Variants in DNAJB5 observed in about 807,000 individuals in gnomAD.
DNAJB5 encodes dnaJ homolog subfamily B member 5.
Under a neutral mutation model 32.6 loss-of-function variants are expected in DNAJB5, and 12 were observed. That is an observed-to-expected ratio of 0.37 (90% confidence interval 0.24 to 0.60). The LOEUF is 0.60. DNAJB5 is among the 20% of genes least tolerant of loss of function. The pLI, the probability that DNAJB5 is intolerant of heterozygous loss-of-function variation, is 0.71. For missense variants in DNAJB5, 358 were observed against 554.2 expected, an observed-to-expected ratio of 0.65 and a Z score of 3.55; for synonymous variants, 188 against 212.9, an observed-to-expected ratio of 0.88 and a Z score of 1.02.
Position 34,997,696 on chromosome 9 carries a change from C to A in DNAJB5, c.*437C>A. ...ACTAGAAAGGACATTGCTTTCTCAG[C>A]CCCACCCCCAGGTCCACAGTGTCCA... On this transcript the variant is annotated 3_prime_UTR_variant, in exon 5 of 5. Coordinates refer to ENST00000682809, the MANE Select transcript of DNAJB5 (RefSeq NM_001349723.3). This position sits in a 1 kb window ranked among gnomAD's most constrained non-coding sequence, Gnocchi z 4.1. 2 of 342,246 alleles carry A rather than the reference C, an allele frequency of 5.8e-6. No homozygotes were observed. Among genetic ancestry groups the A allele is most frequent in the South Asian group, 4.7e-5 (2 of 42,270 alleles). 21.2% of individuals were successfully genotyped at this position (342,246 alleles called of 1,614,324 possible).
Position 34,990,669 on chromosome 9 carries a change from AG to A in DNAJB5, c.40del (p.Ala14HisfsTer22), listed in dbSNP as rs1168614533. On this transcript the variant is annotated frameshift_variant, in exon 2 of 5. Coordinates refer to ENST00000682809, the MANE Select transcript of DNAJB5 (RefSeq NM_001349723.3). LOFTEE classifies it high-confidence loss of function. This position sits in a 1 kb window ranked among gnomAD's most constrained non-coding sequence, Gnocchi z 4.5. ...RTVLSCPPPA[A>X]PPLQARGAFR... is the part of the protein sequence containing the mutation. ...CAGTGCTCTCCTGCCCACCCCCAGC[AG>A]CACCCCCACTGCAGGCCCGAGGAGC... 6.4e-7 allele frequency: 1 copy of A among 1,551,550 alleles called. No homozygotes were observed. Among genetic ancestry groups the A allele is most frequent in the Non-Finnish European group, 8.7e-7 (1 of 1,146,990 alleles).
chr9:34,996,545 C>T lies in DNAJB5; in HGVS notation c.708C>T (p.Arg236=). ...RRAPEPLYPR[R]KVQDPPVVHE... is the part of the protein sequence containing the mutation. ...CCCCAGAACCACTGTACCCTCGGCGCAAGGTGCAGGACCCCCCAGTGGTGC... is the reference window on the plus strand; with the variant it reads ...CCCCAGAACCACTGTACCCTCGGCGTAAGGTGCAGGACCCCCCAGTGGTGC... Residue 236 remains arginine (R), a synonymous_variant, in exon 4 of 5, where the codon CGC becomes CGT. Coordinates refer to ENST00000682809, the MANE Select transcript of DNAJB5 (RefSeq NM_001349723.3). This position sits in a 1 kb window ranked among gnomAD's most constrained non-coding sequence, Gnocchi z 7.2. 3.1e-6 allele frequency: 5 copies of T among 1,614,156 alleles called. No individual in the cohort carries two copies. Among genetic ancestry groups the T allele is most frequent in the Non-Finnish European group, 4.2e-6 (5 of 1,180,032 alleles).
rs749686454 is a variant in DNAJB5 at position 34,996,749 on chromosome 9, C to T, written c.912C>T (p.Asp304=). 14 of 1,614,092 alleles carry T rather than the reference C, an allele frequency of 8.7e-6. No homozygotes were observed. In the South Asian group the frequency reaches 9.9e-5, roughly 11 times the overall value. ...AGATCACCTTCCCCAAAGAAGGCGA[C>T]GCCACACCTGACAACATCCCTGCTG... ...GTKITFPKEG[D]ATPDNIPADI... The change falls in exon 4 of 5, where the codon GAC becomes GAT. Residue 304 remains aspartate, a synonymous_variant. Coordinates refer to ENST00000682809, the MANE Select transcript of DNAJB5 (RefSeq NM_001349723.3). The surrounding 1 kb of genome is among the most constrained non-coding windows in gnomAD (Gnocchi z 7.2).
At chr9:34,992,499 G>A (rs1472222272) in intron 2 of DNAJB5, 1 of 152,318 alleles carries the variant, frequency 6.6e-6, no homozygotes, top group Non-Finnish European at 1.5e-5. Flanking sequence ...CTGTTGCCCT[G>A]GTTGGGGGAA....
rs770661752 is a variant in DNAJB5, at chr9:34,990,446, G to C, written c.-132-53G>C. ...CAGCCAGCCAGACACTGCTGCACCTGAGAGCAGGTGGCCGCGGGTCTTCTC... is the reference window on the plus strand; with the variant it reads ...CAGCCAGCCAGACACTGCTGCACCTCAGAGCAGGTGGCCGCGGGTCTTCTC... On this transcript the variant is annotated intron_variant, in intron 1 of 4. Coordinates refer to ENST00000682809, the MANE Select transcript of DNAJB5 (RefSeq NM_001349723.3). The surrounding 1 kb of genome is among the most constrained non-coding windows in gnomAD (Gnocchi z 4.5). 2.7e-5 allele frequency: 41 copies of C among 1,534,036 alleles called. No homozygotes were observed. Among genetic ancestry groups the C allele is most frequent in the Non-Finnish European group, 3.1e-5 (36 of 1,145,972 alleles).
Position 34,990,498 on chromosome 9 carries a change from G to A in DNAJB5, c.-132-1G>A. Reference sequence around the variant, plus strand: ...CTTCACTCTCCACATTTGGGGATCAGGTCCGGCACCTGCTGCGCCAGACAG... The same window carrying A: ...CTTCACTCTCCACATTTGGGGATCAAGTCCGGCACCTGCTGCGCCAGACAG... On this transcript the variant is annotated splice_acceptor_variant, in intron 1 of 4. Transcript: ENST00000682809. LOFTEE classifies it low-confidence loss of function (5UTR_SPLICE). This position sits in a 1 kb window ranked among gnomAD's most constrained non-coding sequence, Gnocchi z 4.5. The A allele has an allele frequency of 6.5e-7, 1 of 1,538,436 alleles. No homozygotes were observed. The highest frequency in any genetic ancestry group is 8.7e-7 in the Non-Finnish European group (1 of 1,146,568).
rs1827844943 is a variant in DNAJB5 at position 34,997,776 on chromosome 9, CCT to C, written c.*522_*523del. On this transcript the variant is annotated 3_prime_UTR_variant, in exon 5 of 5. Transcript: ENST00000682809. The surrounding 1 kb of genome is among the most constrained non-coding windows in gnomAD (Gnocchi z 4.1). ...AAGCACTCACCTAGAGCTGTCTGTG[CCT>C]CTCTGGGAGAAAGGAGAGAGGATAA... 8.8e-6 allele frequency: 2 copies of C among 226,636 alleles called. No homozygotes were observed. Among genetic ancestry groups the C allele is most frequent in the African/African-American group, 4.5e-5 (2 of 44,050 alleles). 14.0% of individuals were successfully genotyped at this position (226,636 alleles called of 1,614,324 possible).
Position 34,993,578 on chromosome 9 carries a change from C to A in DNAJB5, c.427+134C>A. ...AGCAAGGGTTTCCAGCACTGTCACC[C>A]AGAGAAGAGAGAAGCCCACCCACTA... On this transcript the variant is annotated intron_variant, in intron 3 of 4. Coordinates refer to ENST00000682809, the MANE Select transcript of DNAJB5 (RefSeq NM_001349723.3). The surrounding 1 kb of genome is among the most constrained non-coding windows in gnomAD (Gnocchi z 4.7). The A allele has an allele frequency of 8.0e-7, 1 of 1,249,426 alleles. No homozygotes were observed. The highest frequency in any genetic ancestry group is 1.5e-5 in the South Asian group (1 of 64,658). The allele number at this position is 1,249,426 out of a possible 1,614,324, so 77.4% of individuals were successfully genotyped here. A position where few individuals can be genotyped will look rare whatever the true frequency, so the allele number is the denominator to read the frequency against.
chr9:34,996,891 GT>G lies in DNAJB5; in HGVS notation c.1029+26del, dbSNP rs1563952263. The G allele has an allele frequency of 1.3e-6, 2 of 1,592,508 alleles. No homozygotes were observed. The highest frequency in any genetic ancestry group is 2.3e-5 in the South Asian group (2 of 88,334). The stretch of plus-strand genomic sequence containing the variant: ...GGTGGGGCCTAGTCAGGCTGTGTGT[GT>G]GTGCTGGGGAGATGGTGGGGACATT... On this transcript the variant is annotated intron_variant, in intron 4 of 4. Coordinates refer to ENST00000682809, the MANE Select transcript of DNAJB5 (RefSeq NM_001349723.3). The surrounding 1 kb of genome is among the most constrained non-coding windows in gnomAD (Gnocchi z 7.2).
In DNAJB5 at chr9:34,990,166, C is replaced by CCAAAA; in HGVS notation, c.-132-332_-132-331insAAAAC. The CCAAAA allele has an allele frequency of 1.1e-6, 1 of 939,248 alleles. No homozygotes were observed. 58.2% of individuals were successfully genotyped at this position (939,248 alleles called of 1,614,324 possible). A position where few individuals can be genotyped will look rare whatever the true frequency, so the allele number is the denominator to read the frequency against. On this transcript the variant is annotated intron_variant, in intron 1 of 4. Transcript: ENST00000682809. This position sits in a 1 kb window ranked among gnomAD's most constrained non-coding sequence, Gnocchi z 4.5. Reference sequence around the variant, plus strand: ...CTCCCCCGCCCGAGCCCCCTCCCCTCCTCTCCTCGCCGCGCCTTTTGTCCC... The same window carrying CCAAAA: ...CTCCCCCGCCCGAGCCCCCTCCCCTCCAAAACTCTCCTCGCCGCGCCTTTTGTCCC...
Position 34,996,930 on chromosome 9 carries a change from G to T in DNAJB5, c.1029+64G>T. 1 of 1,584,946 alleles carries T rather than the reference G, an allele frequency of 6.3e-7. No homozygotes were observed. The highest frequency in any genetic ancestry group is 8.6e-7 in the Non-Finnish European group (1 of 1,167,682). On this transcript the variant is annotated intron_variant, in intron 4 of 4. Transcript: ENST00000682809. This position sits in a 1 kb window ranked among gnomAD's most constrained non-coding sequence, Gnocchi z 7.2. ...TGGTGGGGACATTCCCTCTCTTCCC[G>T]CCAGCTGGCACATTCTTTCCCCACC...
intron 3 of DNAJB5, among the ~76,000 whole-genome samples, chr9:34,994,852 C>A (rs1827747674): frequency 6.6e-6 from 1 of 152,128 alleles, no homozygotes; most frequent in Non-Finnish European, 1.5e-5. Context: ...TTCTGTCCAC[C>A]CTGCCCAATC....
Position 34,990,882 on chromosome 9 carries a change from T to C in DNAJB5, c.182+70T>C. 1 of 1,458,370 alleles carries C rather than the reference T, an allele frequency of 6.9e-7. No homozygotes were observed. The highest frequency in any genetic ancestry group is 1.4e-5 in the South Asian group (1 of 73,070). The allele number at this position is 1,458,370 out of a possible 1,614,324, so 90.3% of individuals were successfully genotyped here. On this transcript the variant is annotated intron_variant, in intron 2 of 4. Transcript: ENST00000682809. This position sits in a 1 kb window ranked among gnomAD's most constrained non-coding sequence, Gnocchi z 4.5. ...ACCCTCCACGCGGCCATCCCCTCCA[T>C]TGCCTTCCTGCTTCCTCCAACTCAT...
Position 34,996,063 on chromosome 9 carries a change from G to A in DNAJB5, c.428-202G>A, listed in dbSNP as rs1827782691. Among the ~76,000 whole-genome samples the A allele has an allele frequency of 6.6e-6, 1 of 152,152 alleles. No homozygotes were observed. The highest frequency in any genetic ancestry group is 1.5e-5 in the Non-Finnish European group (1 of 68,028). On this transcript the variant is annotated intron_variant, in intron 3 of 4. Transcript: ENST00000682809. The surrounding 1 kb of genome is among the most constrained non-coding windows in gnomAD (Gnocchi z 7.2). ...CAAGCCTCTTTGAATCTCAAGTTGTGCATCGTTATTAAATATATAATTAGG... is the reference window on the plus strand; with the variant it reads ...CAAGCCTCTTTGAATCTCAAGTTGTACATCGTTATTAAATATATAATTAGG...
Position 34,993,266 on chromosome 9 carries a change from C to T in DNAJB5, c.249C>T (p.Ile83=), listed in dbSNP as rs1377591548. 2 of 1,614,138 alleles carry T rather than the reference C, an allele frequency of 1.2e-6. No individual in the cohort carries two copies. Among genetic ancestry groups the T allele is most frequent in the Non-Finnish European group, 1.7e-6 (2 of 1,180,022 alleles). The change falls in exon 3 of 5, where the codon ATC becomes ATT. Residue 83 remains isoleucine, a synonymous_variant. Coordinates refer to ENST00000682809, the MANE Select transcript of DNAJB5 (RefSeq NM_001349723.3). This position sits in a 1 kb window ranked among gnomAD's most constrained non-coding sequence, Gnocchi z 4.7. ...AAGATTATTACAAGATTCTTGGGAT[C>T]CCATCGGGGGCCAACGAGGATGAGA... ...MGKDYYKILG[I]PSGANEDEIK...
chr9:34,998,805 A>G (rs1827869028), downstream of DNAJB5: 1 of 143,716 alleles, frequency 7.0e-6, no homozygotes, highest in Admixed American at 7.0e-5. Flanking sequence ...GAGGGGGTGG[A>G]GAACTTTTTT....
intron 2 of DNAJB5, chr9:34,992,896 G>C: frequency 1.6e-6 from 2 of 1,229,098 alleles, no homozygotes; most frequent in Non-Finnish European, 1.0e-6. Context: ...GGGCCTCTCA[G>C]GGGTCCTCAG....
Position 34,993,261 on chromosome 9 carries a change from G to A in DNAJB5, c.244G>A (p.Gly82Arg), listed in dbSNP as rs948252863. The change falls in exon 3 of 5, where the codon GGG becomes AGG. Residue 82 changes from glycine (G) to arginine (R), a missense_variant. Physicochemically the swap from Gly to Arg is moderately radical, Grantham distance 125 (BLOSUM62 -2). Transcript: ENST00000682809. The surrounding 1 kb of genome is among the most constrained non-coding windows in gnomAD (Gnocchi z 4.7). ...VMGKDYYKILGIPSGANEDEI... is the reference protein window; with the variant it reads ...VMGKDYYKILRIPSGANEDEI... ...GGGAAAAGATTATTACAAGATTCTT[G>A]GGATCCCATCGGGGGCCAACGAGGA... 1.9e-6 allele frequency: 3 copies of A among 1,614,012 alleles called. No homozygotes were observed. Among genetic ancestry groups the A allele is most frequent in the African/African-American group, 1.3e-5 (1 of 74,906 alleles).
In DNAJB5 at chr9:34,993,670, A is replaced by G. The variant is rs1376883019; in HGVS notation, c.427+226A>G. ...CCCTCCCTCCTCGGGTTCAGGCCTT[A>G]GAGAGGTCTGAAGCAAGAGCCAGAG... On this transcript the variant is annotated intron_variant, in intron 3 of 4. Transcript: ENST00000682809. The surrounding 1 kb of genome is among the most constrained non-coding windows in gnomAD (Gnocchi z 4.7). 6.6e-6 allele frequency among the ~76,000 whole-genome samples: 1 copy of G among 152,078 alleles called. No individual in the cohort carries two copies. Among genetic ancestry groups the G allele is most frequent in the African/African-American group, 2.4e-5 (1 of 41,426 alleles).
Sources: allele counts gnomAD v4.1 joint callset (sites outside exome capture counted in the v4.1 genomes callset), GRCh38; gene constraint gnomAD v4.1.1; non-coding constraint Gnocchi (gnomAD v3.1); transcripts MANE v1.5; gene names NCBI Gene and HGNC (gene_info 2026-07-23, HGNC 2026-07-21).